Variants in NOTCH3 observed in about 807,000 individuals in gnomAD.
NOTCH3 encodes the protein neurogenic locus notch homolog protein 3.
In NOTCH3, 86 loss-of-function variants were observed where a neutral mutation model predicts 213.3. That is an observed-to-expected ratio of 0.40 (90% CI 0.34 to 0.48). The LOEUF is 0.48. Ranked by LOEUF, NOTCH3 falls within the 20% of genes least tolerant of loss-of-function variation. The pLI is 0.57. For missense variants in NOTCH3, 2,783 were observed against 3,272.6 expected (o/e 0.85, Z 3.65); for synonymous variants, 1,354 against 1,355.9 (o/e 1.00, Z 0.03).
At position 15,166,112 on chromosome 19, in the gene NOTCH3, C is replaced by T. The variant is rs10416777; in HGVS notation, c.5363-21G>A. ...GCCATCTGCAGGGACAGGAGTGTGT[C>T]AGCAGGAAGGTAAACACAGGGCCTT... On this transcript the variant is annotated intron_variant, in intron 29 of 32. Transcript: ENST00000263388. The T allele has an allele frequency of 0.89, 1,436,822 of 1,610,078 alleles. 642,873 individuals are homozygous for T. The highest frequency in any genetic ancestry group is 0.97 in the African/African-American group (72,932 of 74,968).
intron 1 of NOTCH3, among the ~76,000 whole-genome samples, chr19:15,200,496 AC>A (rs1377666501): frequency 6.7e-6 from 1 of 149,708 alleles, no homozygotes; most frequent in Non-Finnish European, 1.5e-5. Flanking sequence ...CTCTGTACGC[AC>A]CCCCCCACCT....
rs202085803 is a variant in NOTCH3 at position 15,174,360 on chromosome 19, C to T, written c.4444G>A (p.Gly1482Ser). 5 of 1,545,872 alleles carry T rather than the reference C, an allele frequency of 3.2e-6. No homozygotes were observed. Among genetic ancestry groups the T allele is most frequent in the Non-Finnish European group, 3.5e-6 (4 of 1,143,438 alleles). The change falls in exon 25 of 33, where the codon GGC becomes AGC. Residue 1482 changes from glycine (G) to serine (S), a missense_variant. Coordinates refer to ENST00000263388, the MANE Select transcript of NOTCH3 (RefSeq NM_000435.3). ...GTGTTGCAGCCCTGGTCGCAGCGGC[C>T]GTCGGCAAAGTGGTCGGCGCAGTAC... Reference protein sequence around the residue: ...EKYCADHFADGRCDQGCNTEE... With the variant: ...EKYCADHFADSRCDQGCNTEE...
intron 1 of NOTCH3, among the ~76,000 whole-genome samples, chr19:15,199,701 T>C (rs1000769272): frequency 1.3e-5 from 2 of 152,174 alleles, no homozygotes; most frequent in Non-Finnish European, 2.9e-5. Context: ...TCACAGGCCA[T>C]GTGTGTGCGC....
intron 25 of NOTCH3, among the ~76,000 whole-genome samples, chr19:15,172,489 C>G (rs566571395): frequency 2.0e-4 from 30 of 151,914 alleles, no homozygotes; most frequent in African/African-American, 7.2e-4. Context: ...CACTCTCCTT[C>G]ATCCCTCTAC....
rs551855907 is a variant in NOTCH3, at chr19:15,160,766, G to A, written c.6862C>T (p.Pro2288Ser). The A allele has an allele frequency of 4.3e-6, 7 of 1,614,002 alleles. No individual in the cohort carries two copies. The Admixed American group carries it at 6.7e-5, about 15-fold the overall frequency. ...GAMATTTGAL[P>S]AQPLPLSVPS... ...ACAGACAAGGGAAGTGGCTGGGCAG[G>A]CAGTGCCCCAGTGGTGGTGGCCATG... The change falls in exon 33 of 33, where the codon CCT (proline) becomes TCT (serine). Residue 2288 changes from proline to serine, a missense_variant. By Grantham distance (74) the Pro-to-Ser change is moderately conservative. This residue lies in a region of NOTCH3 where 441 missense variants were observed against 432.1 expected (regional missense o/e 1.02). Transcript: ENST00000263388.
At chr19:15,194,359 C>T (rs747915363) in intron 2 of NOTCH3, among the ~76,000 whole-genome samples, 5 of 152,278 alleles carry the variant, frequency 3.3e-5, no homozygotes, top group Non-Finnish European at 7.4e-5. Flanking sequence ...TCTGGAGCCA[C>T]CAGAAGCTGC....
intron 16 of NOTCH3, among the ~76,000 whole-genome samples, chr19:15,182,225 G>A (rs888961198): frequency 6.6e-6 from 1 of 152,040 alleles, no homozygotes. Flanking sequence ...AAAAAAAATA[G>A]GCTGGGCGTG....
intron 1 of NOTCH3, among the ~76,000 whole-genome samples, chr19:15,198,263 C>T (rs951388137): frequency 6.6e-6 from 1 of 152,184 alleles, no homozygotes; most frequent in Non-Finnish European, 1.5e-5. Context: ...CCAGAAGGGT[C>T]CAGGGTGTGG....
chr19:15,194,825 C>T (rs1366503890), intron 2 of NOTCH3, among the ~76,000 whole-genome samples: 1 of 151,990 alleles, frequency 6.6e-6, no homozygotes, highest in Non-Finnish European at 1.5e-5. Context: ...AGTGTGGTGG[C>T]ACATGCCTGT....
chr19:15,184,122 T>C (rs1052020060), intron 16 of NOTCH3, among the ~76,000 whole-genome samples, 173 bp downstream of exon 16: 3 of 148,110 alleles, frequency 2.0e-5, no homozygotes, highest in African/African-American at 7.5e-5. Context: ...ACTCGTTCCA[T>C]GGGCTTGCAC....
rs374042078 is a variant in NOTCH3, at chr19:15,174,079, G to A, written c.4725C>T (p.Pro1575=). 6.3e-7 allele frequency: 1 copy of A among 1,581,102 alleles called. No individual in the cohort carries two copies. Among genetic ancestry groups the A allele is most frequent in the Non-Finnish European group, 8.6e-7 (1 of 1,159,730 alleles). The change falls in exon 25 of 33, where the codon CCC becomes CCT. Residue 1575 remains proline, a synonymous_variant. Coordinates refer to ENST00000263388, the MANE Select transcript of NOTCH3 (RefSeq NM_000435.3). ...SEPRARRELA[P]EVIGSVVMLE... ...GTGGGGTCACTCACCCGATCACCTCGGGGGCCAGCTCCCGACGGGCCCGGG... is the reference window on the plus strand; with the variant it reads ...GTGGGGTCACTCACCCGATCACCTCAGGGGCCAGCTCCCGACGGGCCCGGG...
At position 15,178,875 on chromosome 19, in the gene NOTCH3, C is replaced by G. The variant is rs143684274; in HGVS notation, c.3785G>C (p.Arg1262Pro). The change falls in exon 23 of 33, where the codon CGT becomes CCT. Residue 1262 changes from arginine (R) to proline (P), a missense_variant. This residue lies in a region of NOTCH3 where 861 missense variants were observed against 909.1 expected (regional missense o/e 0.95). Transcript: ENST00000263388. ...SQPCQHGGQC[R>P]PSPGPGGGLT... ...CCCACCCCCAGGACCCGGGCTAGGA[C>G]GGCACTGGCCTCCATGCTGGCATGG... 3.1e-6 allele frequency: 5 copies of G among 1,610,074 alleles called. No individual in the cohort carries two copies. The highest frequency in any genetic ancestry group is 4.2e-6 in the Non-Finnish European group (5 of 1,178,320).
In NOTCH3 at chr19:15,160,567, A is replaced by G; in HGVS notation, c.*95T>C. Reference sequence around the variant, plus strand: ...GGAGGGTTGGTGGAAAGAGAAGAGGATGAAAAAGACTAAAAGGAAGGAAGA... The same window carrying G: ...GGAGGGTTGGTGGAAAGAGAAGAGGGTGAAAAAGACTAAAAGGAAGGAAGA... On this transcript the variant is annotated 3_prime_UTR_variant, in exon 33 of 33. Coordinates refer to ENST00000263388, the MANE Select transcript of NOTCH3 (RefSeq NM_000435.3). 9.7e-7 allele frequency: 1 copy of G among 1,026,134 alleles called. No individual in the cohort carries two copies. Among genetic ancestry groups the G allele is most frequent in the Admixed American group, 1.7e-5 (1 of 59,250 alleles). 63.6% of individuals were successfully genotyped at this position (1,026,134 alleles called of 1,614,324 possible). A position where few individuals can be genotyped will look rare whatever the true frequency, so the allele number is the denominator to read the frequency against.
chr19:15,192,918 GAAACA>G (rs925331810), intron 2 of NOTCH3, among the ~76,000 whole-genome samples: 4 of 151,636 alleles, frequency 2.6e-5, no homozygotes, highest in African/African-American at 9.7e-5. Context: ...CGGTCTCAAA[GAAACA>G]AAACAAAACA....
chr19:15,173,751 AAGGAGAAGGAGAAGGAGAAGGAGAAGG>A (rs1568351770), intron 25 of NOTCH3, among the ~76,000 whole-genome samples: 110,540 of 146,628 alleles, frequency 0.75, 42,898 homozygotes, highest in Non-Finnish European at 0.82. Context: ...AGAAAAGAAG[AAGGAGAAGGAGAAGGAGAAGGAGAAGG>A]AGAAGGAGAA....
intron 2 of NOTCH3, among the ~76,000 whole-genome samples, chr19:15,196,204 C>CT (rs1247492139): frequency 2.0e-5 from 3 of 152,112 alleles, no homozygotes; most frequent in African/African-American, 7.2e-5. Context: ...GCCGGTGATT[C>CT]ACCTGTCGAA....
At position 15,181,679 on chromosome 19, in the gene NOTCH3, C is replaced by G. The variant is rs2046843265; in HGVS notation, c.2689G>C (p.Gly897Arg). 1.3e-6 allele frequency: 2 copies of G among 1,556,672 alleles called. No homozygotes were observed. The highest frequency in any genetic ancestry group is 1.7e-6 in the Non-Finnish European group (2 of 1,149,976). Reference sequence around the variant, plus strand: ...ACGTGGTCGGTACAGGTGCCCGGGCCGCAGGGGTTGCTCAGGCACTCATCC... The same window carrying G: ...ACGTGGTCGGTACAGGTGCCCGGGCGGCAGGGGTTGCTCAGGCACTCATCC... ...DVDECLSNPC[G>R]PGTCTDHVAS... Residue 897 changes from glycine to arginine, a missense_variant, in exon 17 of 33, where the codon GGC becomes CGC. Around this residue, in one of 6 missense-constraint regions of NOTCH3, gnomAD observed 861 missense variants for 909.1 expected, o/e 0.95. Transcript: ENST00000263388.
At chr19:15,164,441 TGA>T (rs1333913193) in intron 31 of NOTCH3, among the ~76,000 whole-genome samples, 1 of 148,798 alleles carries the variant, frequency 6.7e-6, no homozygotes, top group Non-Finnish European at 1.5e-5. Context: ...CTTGGGAGGC[TGA>T]GACAGGAGAA....
At position 15,184,987 on chromosome 19, in the gene NOTCH3, G is replaced by A. The variant is rs886054259; in HGVS notation, c.2329C>T (p.Pro777Ser). Residue 777 changes from proline to serine, a missense_variant, in exon 15 of 33, where the codon CCG (proline) becomes TCG (serine). By Grantham distance (74) the Pro-to-Ser change is moderately conservative. Coordinates refer to ENST00000263388, the MANE Select transcript of NOTCH3 (RefSeq NM_000435.3). Reference sequence around the variant, plus strand: ...CGGCCCCCATGCTCACAGGGGTTCGGGGTGCAGGGGGAGAGGAGTTCACAC... The same window carrying A: ...CGGCCCCCATGCTCACAGGGGTTCGAGGTGCAGGGGGAGAGGAGTTCACAC... The part of the protein sequence containing the change: ...RQCELLSPCT[P>S]NPCEHGGRCE... 7.2e-6 allele frequency: 11 copies of A among 1,538,032 alleles called. No individual in the cohort carries two copies. Among genetic ancestry groups the A allele is most frequent in the African/African-American group, 1.4e-5 (1 of 72,832 alleles).
Sources: gnomAD v4.1 joint callset for allele counts (sites outside exome capture counted in the v4.1 genomes callset) on GRCh38, gnomAD v4.1.1 for gene constraint, gnomAD v4.1.1 regional missense constraint, MANE v1.5 for transcripts, NCBI Gene and HGNC (gene_info 2026-07-23, HGNC 2026-07-21) for gene names.